The following EPB41L4A variants were observed in gnomAD, a reference collection of about 807,000 sequenced individuals.
EPB41L4A encodes the protein erythrocyte membrane protein band 4.1 like 4A.
Under a neutral mutation model 108.6 loss-of-function variants are expected in EPB41L4A, and 100 were observed. That is an observed-to-expected ratio of 0.92 (90% CI 0.78 to 1.09). The LOEUF is 1.09. Among genes scored for constraint, EPB41L4A ranks in the 50% least tolerant of loss-of-function variants. The pLI, the probability that EPB41L4A is intolerant of heterozygous loss-of-function variation, is 0.00. For missense variants in EPB41L4A, 1,030 were observed against 842.7 expected (o/e 1.22, Z -2.75); for synonymous variants, 319 against 289.0 (o/e 1.10, Z -1.05).
intron 1 of EPB41L4A, among the ~76,000 whole-genome samples, chr5:112,373,624 T>C (rs1023907302): frequency 7.9e-5 from 12 of 152,198 alleles, no homozygotes; most frequent in African/African-American, 2.2e-4. Flanking sequence ...AAGAGGAAAC[T>C]GAGATACAAA....
intron 1 of EPB41L4A, among the ~76,000 whole-genome samples, chr5:112,397,941 G>T (rs111842631): frequency 1.3e-5 from 2 of 152,290 alleles, no homozygotes; most frequent in African/African-American, 4.8e-5. Flanking sequence ...AAAACATGTG[G>T]CCCCACATAT....
chr5:112,360,682 G>A (rs186273468), intron 1 of EPB41L4A, among the ~76,000 whole-genome samples: 1,654 of 152,312 alleles, frequency 0.011, 30 homozygotes, highest in African/African-American at 0.038. Context: ...TGCAGCCTCT[G>A]CCCGGCTGCC....
At chr5:112,179,166 T>A (rs574513032) in intron 18 of EPB41L4A, among the ~76,000 whole-genome samples, 13 of 152,158 alleles carry the variant, frequency 8.5e-5, no homozygotes, top group African/African-American at 3.1e-4. Context: ...GTATAAAATA[T>A]GAATATCTCA....
At chr5:112,357,295 G>A (rs973178979) in intron 1 of EPB41L4A, among the ~76,000 whole-genome samples, 2 of 152,218 alleles carry the variant, frequency 1.3e-5, no homozygotes, top group Non-Finnish European at 2.9e-5. Context: ...TGCGACCTGA[G>A]CTGCCCATAA....
intron 19 of EPB41L4A, 21 bp downstream of exon 19, chr5:112,170,924 A>G: frequency 6.2e-7 from 1 of 1,608,220 alleles, no homozygotes; most frequent in African/African-American, 1.3e-5. Context: ...TAAAACAATA[A>G]GAAAGAAAAC....
chr5:112,391,512 A>G (rs7736305), intron 1 of EPB41L4A, among the ~76,000 whole-genome samples: 21,450 of 152,150 alleles, frequency 0.14, 4,240 homozygotes, highest in African/African-American at 0.44. Context: ...GAAATGAAAC[A>G]AGAACAGAAG....
chr5:112,392,401 C>CAAAAAAAAAAAAAAAAAAA (rs56256606), intron 1 of EPB41L4A, among the ~76,000 whole-genome samples: 1 of 35,922 alleles, frequency 2.8e-5, no homozygotes, highest in Admixed American at 4.0e-4. Context: ...AAATGGAAAG[C>CAAAAAAAAAAAAAAAAAAA]AAAAAAAAAA....
intron 1 of EPB41L4A, among the ~76,000 whole-genome samples, chr5:112,386,675 T>G (rs560494009): frequency 6.9e-4 from 105 of 152,348 alleles, no homozygotes; most frequent in African/African-American, 2.5e-3. Context: ...AACTTTCTTT[T>G]TAATCCCATA....
At chr5:112,317,770 T>A (rs1161336942) in intron 1 of EPB41L4A, among the ~76,000 whole-genome samples, 1 of 152,224 alleles carries the variant, frequency 6.6e-6, no homozygotes, top group African/African-American at 2.4e-5. Context: ...GGACAATACA[T>A]CTTTTTTGTA....
chr5:112,172,544 C>A (rs890752574), intron 18 of EPB41L4A, among the ~76,000 whole-genome samples: 27 of 150,928 alleles, frequency 1.8e-4, no homozygotes, highest in African/African-American at 6.3e-4. Context: ...ATGTTTCTTA[C>A]AAATCATAGA....
At chr5:112,223,310 A>AAGG (rs1293539365) in intron 12 of EPB41L4A, among the ~76,000 whole-genome samples, 2 of 152,082 alleles carry the variant, frequency 1.3e-5, no homozygotes, top group African/African-American at 4.8e-5. Context: ...CTGAACTCTG[A>AAGG]GAACCCCCAA....
chr5:112,204,636 A>G (rs1762383472), intron 14 of EPB41L4A, 148 bp from the exon 15 acceptor site: 1 of 499,656 alleles, frequency 2.0e-6, no homozygotes, highest in Admixed American at 3.1e-5. Flanking sequence ...GACAAGATTT[A>G]TTAAAAGAAA....
At chr5:112,409,920 T>G (rs1289810087) in intron 1 of EPB41L4A, among the ~76,000 whole-genome samples, 1 of 152,182 alleles carries the variant, frequency 6.6e-6, no homozygotes, top group Non-Finnish European at 1.5e-5. Flanking sequence ...GCCAGATTTG[T>G]CTATGACAAA....
intron 1 of EPB41L4A, among the ~76,000 whole-genome samples, chr5:112,370,244 C>T (rs1203325334): frequency 6.6e-6 from 1 of 150,840 alleles, no homozygotes; most frequent in East Asian, 2.0e-4. Flanking sequence ...GCCATGTTGC[C>T]CAGGCTGGTC....
intron 22 of EPB41L4A, 34 bp from the exon 23 acceptor site, chr5:112,165,152 G>C: frequency 2.0e-6 from 3 of 1,503,526 alleles, no homozygotes; most frequent in Non-Finnish European, 1.8e-6. Context: ...GAAAGATTCA[G>C]AAGAAAACAG....
intron 1 of EPB41L4A, among the ~76,000 whole-genome samples, chr5:112,329,646 C>T (rs1408572109): frequency 6.6e-6 from 1 of 152,150 alleles, no homozygotes; most frequent in Non-Finnish European, 1.5e-5. Context: ...CACCATACAC[C>T]CTTTCTGATT....
At chr5:112,260,243 T>A (rs1387164236) in intron 7 of EPB41L4A, among the ~76,000 whole-genome samples, 2 of 152,252 alleles carry the variant, frequency 1.3e-5, no homozygotes, top group Non-Finnish European at 2.9e-5. Flanking sequence ...GTCAGGCCAA[T>A]GGGACTTACC....
At chr5:112,155,520 T>C (rs1363928602) in intron 12 of EPB41L4A, among the ~76,000 whole-genome samples, 1 of 152,184 alleles carries the variant, frequency 6.6e-6, no homozygotes, top group East Asian at 1.9e-4. Flanking sequence ...CAAGAGGCAT[T>C]ACTGTATCAT....
intron 1 of EPB41L4A, among the ~76,000 whole-genome samples, chr5:112,414,773 T>C (rs1253827515): frequency 1.3e-5 from 2 of 152,214 alleles, no homozygotes. Context: ...AAAAGACTTC[T>C]TGTAAAATTG....
Sources: allele counts gnomAD v4.1 joint callset (sites outside exome capture counted in the v4.1 genomes callset), GRCh38; gene constraint gnomAD v4.1.1; transcripts MANE v1.5; gene names NCBI Gene and HGNC (gene_info 2026-07-23, HGNC 2026-07-21).